Variants in LIFR observed in about 807,000 individuals in gnomAD.
The protein encoded by LIFR is LIF receptor subunit alpha, also known as leukemia inhibitory factor receptor.
Under a neutral mutation model 122.2 loss-of-function variants are expected in LIFR, and 84 were observed. That is an observed-to-expected ratio of 0.69 (90% CI 0.58 to 0.82). The LOEUF is 0.82. Ranked by LOEUF, LIFR falls within the 40% of genes least tolerant of loss-of-function variation. LIFR has a pLI of 0.00. For missense variants in LIFR, 1,294 were observed against 1,311.6 expected (o/e 0.99, Z 0.21); for synonymous variants, 422 against 434.7 (o/e 0.97, Z 0.36).
chr5:38,545,223 T>C (rs1747810900), intron 1 of LIFR, among the ~76,000 whole-genome samples: 1 of 150,688 alleles, frequency 6.6e-6, no homozygotes, highest in Non-Finnish European at 1.5e-5. Context: ...TGAGCCAAGA[T>C]CACGCCATTG....
chr5:38,481,790 A>C lies in LIFR; in HGVS notation c.3099T>G (p.Asn1033Lys), dbSNP rs748122146. 1 of 1,614,110 alleles carries C rather than the reference A, an allele frequency of 6.2e-7. No individual in the cohort carries two copies. Among genetic ancestry groups the C allele is most frequent in the South Asian group, 1.1e-5 (1 of 91,068 alleles). ...DKTAGYRPQA[N>K]VNTWNLVSPD... ...GAGACACTAAATTCCATGTATTTACATTGGCCTGAGGTCTGTAACCCGCAG... is the reference window on the plus strand; with the variant it reads ...GAGACACTAAATTCCATGTATTTACCTTGGCCTGAGGTCTGTAACCCGCAG... The change falls in exon 20 of 20, where the codon AAT (asparagine) becomes AAG (lysine). Residue 1033 changes from asparagine (N) to lysine (K), a missense_variant. Asn to Lys is a moderately conservative substitution (Grantham distance 94). Transcript: ENST00000453190.
chr5:38,541,660 T>C (rs980461335), intron 1 of LIFR, among the ~76,000 whole-genome samples: 2 of 152,222 alleles, frequency 1.3e-5, no homozygotes, highest in Admixed American at 1.3e-4. Context: ...GGTATCTTCA[T>C]TAATGAGTTG....
chr5:38,499,594 G>A lies in LIFR; in HGVS notation c.1601-11C>T. ...GCCCCTTTGAAGGACCTAAAAAGGA[G>A]ATTTTAAAGTTAATATCTGAAGACA... On this transcript the variant is annotated splice_polypyrimidine_tract_variant and intron_variant, in intron 11 of 19. Coordinates refer to ENST00000453190, the MANE Select transcript of LIFR (RefSeq NM_001127671.2). The A allele has an allele frequency of 6.3e-7, 1 of 1,584,836 alleles. No homozygotes were observed.
At chr5:38,582,943 A>G (rs192865832) in intron 1 of LIFR, among the ~76,000 whole-genome samples, 1 of 152,320 alleles carries the variant, frequency 6.6e-6, no homozygotes, top group East Asian at 1.9e-4. Context: ...CCTCCAACAG[A>G]GTTAAATCCG....
At chr5:38,524,215 C>A (rs1199486848) in intron 4 of LIFR, among the ~76,000 whole-genome samples, 2 of 152,276 alleles carry the variant, frequency 1.3e-5, no homozygotes, top group East Asian at 3.9e-4. Context: ...GGGGATGTCA[C>A]CCACTTGAGA....
rs774427939 is a variant in LIFR, at chr5:38,477,323, T to C, written c.*4272A>G. The C allele has an allele frequency of 1.8e-5, 4 of 218,556 alleles. No homozygotes were observed. The highest frequency in any genetic ancestry group is 2.8e-5 in the Non-Finnish European group (3 of 108,926). The allele number at this position is 218,556 out of a possible 1,614,324, so 13.5% of individuals were successfully genotyped here. On this transcript the variant is annotated 3_prime_UTR_variant, in exon 20 of 20. Coordinates refer to ENST00000453190, the MANE Select transcript of LIFR (RefSeq NM_001127671.2). ...CTAAAAGATGAATGTTCTGTAACTT[T>C]GGCCATAAATCATTTTCTTCTATGA...
At chr5:38,500,171 TTGTGTG>T (rs964976150) in intron 11 of LIFR, among the ~76,000 whole-genome samples, 1 of 152,190 alleles carries the variant, frequency 6.6e-6, no homozygotes, top group African/African-American at 2.4e-5. Context: ...GTCTTTGTGT[TTGTGTG>T]TGTACATACA....
At chr5:38,603,824 C>A (rs905851328) in intron 2 of LIFR, among the ~76,000 whole-genome samples, 107 of 152,298 alleles carry the variant, frequency 7.0e-4, no homozygotes, top group African/African-American at 2.4e-3. Flanking sequence ...AGGATGTTTT[C>A]TTCTCTTATT....
intron 1 of LIFR, among the ~76,000 whole-genome samples, chr5:38,533,223 C>T (rs1361845238): frequency 1.3e-5 from 2 of 152,194 alleles, no homozygotes; most frequent in Non-Finnish European, 2.9e-5. Flanking sequence ...CAAGGGTGAC[C>T]AGTTTGTTTC....
intron 14 of LIFR, among the ~76,000 whole-genome samples, chr5:38,493,395 A>T (rs1255883864): frequency 6.6e-6 from 1 of 152,060 alleles, no homozygotes; most frequent in Non-Finnish European, 1.5e-5. Flanking sequence ...TTGTTCTCTG[A>T]TTATTTCTAA....
At position 38,575,646 on chromosome 5, in the gene LIFR, G is replaced by A. The variant is rs576287375; in HGVS notation, c.-20+19615C>T. ...CCACTAATGGCTGTGCTGAGTCCATGGGCAGCTGTGGTTTGGGGCACAAAT... is the reference window on the plus strand; with the variant it reads ...CCACTAATGGCTGTGCTGAGTCCATAGGCAGCTGTGGTTTGGGGCACAAAT... On this transcript the variant is annotated intron_variant, in intron 1 of 19. Transcript: ENST00000263409. Among the ~76,000 whole-genome samples, 9 of 152,262 alleles carry A rather than the reference G, an allele frequency of 5.9e-5. No individual in the cohort carries two copies. The East Asian group carries it at 1.2e-3, about 20-fold the overall frequency.
chr5:38,499,455 G>C lies in LIFR; in HGVS notation c.1671+58C>G, dbSNP rs568327624. ...CTCCTTGATAACCCAAGTACCATGC[G>C]TAAGTTAAGCAGTTTAGCAAAGTAA... On this transcript the variant is annotated intron_variant, in intron 12 of 19. Coordinates refer to ENST00000453190, the MANE Select transcript of LIFR (RefSeq NM_001127671.2). 8 of 1,170,204 alleles carry C rather than the reference G, an allele frequency of 6.8e-6. No homozygotes were observed. In the Admixed American group the frequency reaches 1.0e-4, roughly 15 times the overall value. The allele number at this position is 1,170,204 out of a possible 1,614,324, so 72.5% of individuals were successfully genotyped here. A position where few individuals can be genotyped will look rare whatever the true frequency, so the allele number is the denominator to read the frequency against.
intron 1 of LIFR, among the ~76,000 whole-genome samples, chr5:38,564,745 CACACA>C (rs1561213715): frequency 1.9e-4 from 25 of 134,780 alleles, no homozygotes; most frequent in East Asian, 6.2e-4. Context: ...TACACACACA[CACACA>C]CACACACACA....
At chr5:38,495,668 C>A (rs1744839091) in intron 13 of LIFR, among the ~76,000 whole-genome samples, 1 of 152,096 alleles carries the variant, frequency 6.6e-6, no homozygotes, top group Non-Finnish European at 1.5e-5. Flanking sequence ...CATATCGGGG[C>A]AAGAGAGCAA....
chr5:38,492,753 C>T (rs1353256314), intron 14 of LIFR, among the ~76,000 whole-genome samples: 4 of 152,156 alleles, frequency 2.6e-5, no homozygotes, highest in Non-Finnish European at 5.9e-5. Context: ...TGCTCTTCTG[C>T]ACTTCCCTAA....
chr5:38,482,069 C>T lies in LIFR; in HGVS notation c.2820G>A (p.Glu940=), dbSNP rs1477977358. The change falls in exon 20 of 20, where the codon GAG becomes GAA. Residue 940 remains glutamate, a synonymous_variant. Transcript: ENST00000453190. ...AERPEDRSDA[E]PENHVVVSYC... ...AGGACACAACCACATGGTTTTCAGG[C>T]TCTGCATCAGAGCGATCTTCAGGAC... 6.2e-7 allele frequency: 1 copy of T among 1,607,458 alleles called. No homozygotes were observed. Among genetic ancestry groups the T allele is most frequent in the Non-Finnish European group, 8.5e-7 (1 of 1,176,676 alleles).
chr5:38,523,404 T>C lies in LIFR; in HGVS notation c.561+15A>G, dbSNP rs764315410. 6.3e-7 allele frequency: 1 copy of C among 1,597,482 alleles called. No individual in the cohort carries two copies. Among genetic ancestry groups the C allele is most frequent in the South Asian group, 1.1e-5 (1 of 89,296 alleles). ...TCTTTAATGTCATAGGAAGAAAATCTATGTTCAAACTTACTAATTTTACGA... is the reference window on the plus strand; with the variant it reads ...TCTTTAATGTCATAGGAAGAAAATCCATGTTCAAACTTACTAATTTTACGA... On this transcript the variant is annotated intron_variant, in intron 5 of 19. Transcript: ENST00000453190.
intron 1 of LIFR, among the ~76,000 whole-genome samples, chr5:38,552,790 C>G (rs771101174): frequency 2.6e-5 from 4 of 152,164 alleles, no homozygotes; most frequent in Non-Finnish European, 4.4e-5. Flanking sequence ...CAGAGCCAAG[C>G]TGGAAAACTA....
chr5:38,544,966 T>A (rs1747794756), intron 1 of LIFR, among the ~76,000 whole-genome samples: 1 of 152,238 alleles, frequency 6.6e-6, no homozygotes, highest in African/African-American at 2.4e-5. Flanking sequence ...ATTATTAATA[T>A]AAGTTAAAAA....
Sources: allele counts gnomAD v4.1 joint callset (sites outside exome capture counted in the v4.1 genomes callset), GRCh38; gene constraint gnomAD v4.1.1; transcripts MANE v1.5; gene names NCBI Gene and HGNC (gene_info 2026-07-23, HGNC 2026-07-21).